GALNT2: variants seen among roughly 807,000 people sequenced by gnomAD.
GALNT2 encodes UDP-GalNAc:polypeptide N-acetylgalactosaminyltransferase 2.
A neutral mutation model predicts 81.4 loss-of-function variants in GALNT2; 31 were observed. The observed-to-expected ratio is 0.38, with a 90% CI of 0.29 to 0.51. GALNT2 has a LOEUF of 0.51. GALNT2 is among the 20% of genes least tolerant of loss of function. The pLI, the probability that GALNT2 is intolerant of heterozygous loss-of-function variation, is 0.87. For missense variants in GALNT2, 629 were observed against 765.7 expected (o/e 0.82, Z 2.11); for synonymous variants, 303 against 287.4 (o/e 1.05, Z -0.55).
rs532801402 is a variant in GALNT2 at position 230,243,734 on chromosome 1, T to G, written c.729+307T>G. Among the ~76,000 whole-genome samples the G allele has an allele frequency of 6.6e-6, 1 of 152,276 alleles. No homozygotes were observed. Among genetic ancestry groups the G allele is most frequent in the East Asian group, 1.9e-4 (1 of 5,146 alleles). On this transcript the variant is annotated intron_variant, in intron 7 of 15. Transcript: ENST00000366672. This position sits in a 1 kb window ranked among gnomAD's most constrained non-coding sequence, Gnocchi z 4.2. Reference sequence around the variant, plus strand: ...AGGCAGCCCTTTTCATGGGAGCAGTTTCCTTCCCCGCCTACAGCTTCGCAG... The same window carrying G: ...AGGCAGCCCTTTTCATGGGAGCAGTGTCCTTCCCCGCCTACAGCTTCGCAG...
At chr1:230,163,375 G>T (rs562071570) in intron 1 of GALNT2, among the ~76,000 whole-genome samples, 1 of 152,204 alleles carries the variant, frequency 6.6e-6, no homozygotes, top group East Asian at 1.9e-4. Context: ...TCCCAGTGCT[G>T]TTGCTCATCA....
chr1:230,180,914 A>G (rs897402944), intron 2 of GALNT2, among the ~76,000 whole-genome samples: 1 of 152,124 alleles, frequency 6.6e-6, no homozygotes, highest in Non-Finnish European at 1.5e-5. Context: ...CTCCTTTGTT[A>G]CTGGTATATA....
chr1:230,064,810 C>A (rs553225765), upstream of GALNT2, among the ~76,000 whole-genome samples: 1 of 152,228 alleles, frequency 6.6e-6, no homozygotes, highest in Non-Finnish European at 1.5e-5. Flanking sequence ...CTATGCCCAG[C>A]CTGCCTGGCA....
intron 1 of GALNT2, among the ~76,000 whole-genome samples, chr1:230,173,558 C>T (rs966049026): frequency 6.6e-6 from 1 of 152,220 alleles, no homozygotes; most frequent in African/African-American, 2.4e-5. Flanking sequence ...GCTTTGAATT[C>T]TCTGCAACTT....
At chr1:230,171,476 T>G (rs4846923) in intron 1 of GALNT2, among the ~76,000 whole-genome samples, 109,693 of 152,142 alleles carry the variant, frequency 0.72, 39,733 homozygotes, top group Admixed American at 0.79. Context: ...GACAACTGAT[T>G]AGAAGGGAAT....
chr1:230,236,418 A>G lies in GALNT2; in HGVS notation c.539A>G (p.Asp180Gly). 6.2e-7 allele frequency: 1 copy of G among 1,614,020 alleles called. No individual in the cohort carries two copies. Among genetic ancestry groups the G allele is most frequent in the Non-Finnish European group, 8.5e-7 (1 of 1,179,886 alleles). Residue 180 changes from aspartate (D) to glycine (G), a missense_variant and splice_region_variant, in exon 5 of 16, where the codon GAT becomes GGT. Coordinates refer to ENST00000366672, the MANE Select transcript of GALNT2 (RefSeq NM_004481.5). ...EIILVDDYSNDPEDGALLGKI... is the reference protein window; with the variant it reads ...EIILVDDYSNGPEDGALLGKI... ...ATCTTGGTGGATGACTACAGCAATG[A>G]TCGTGAGTACTGACACTGATTTTAT...
At position 230,231,521 on chromosome 1, in the gene GALNT2, C is replaced by T. The variant is rs529814744; in HGVS notation, c.375-4493C>T. On this transcript the variant is annotated intron_variant, in intron 3 of 15. Coordinates refer to ENST00000366672, the MANE Select transcript of GALNT2 (RefSeq NM_004481.5). ...AGCTGGAGCTTCCCAGTCCAAAGAG[C>T]TTGCGTTTGGTTATTTCATCAATGT... Among the ~76,000 whole-genome samples, 3 of 152,288 alleles carry T rather than the reference C, an allele frequency of 2.0e-5. No homozygotes were observed. The South Asian group carries it at 6.2e-4, about 32-fold the overall frequency.
chr1:230,127,060 G>T (rs184414603), intron 1 of GALNT2, among the ~76,000 whole-genome samples: 12 of 152,244 alleles, frequency 7.9e-5, no homozygotes, highest in African/African-American at 1.4e-4. Context: ...TTAATATTTT[G>T]CACTGCTTTT....
At chr1:230,201,328 C>G (rs1015549720) in intron 2 of GALNT2, among the ~76,000 whole-genome samples, 2 of 152,114 alleles carry the variant, frequency 1.3e-5, no homozygotes, top group Admixed American at 6.5e-5. Context: ...TGTGACACCC[C>G]CCAAGCATCA....
At chr1:230,251,598 C>T (rs1447329448) in intron 10 of GALNT2, among the ~76,000 whole-genome samples, 3 of 152,064 alleles carry the variant, frequency 2.0e-5, no homozygotes, top group Non-Finnish European at 4.4e-5. Context: ...GATACATTAA[C>T]CTCTAGGGAA....
At chr1:230,182,061 A>T (rs1399922431) in intron 2 of GALNT2, among the ~76,000 whole-genome samples, 3 of 152,174 alleles carry the variant, frequency 2.0e-5, no homozygotes, top group East Asian at 1.9e-4. Context: ...TCCTTTTCAT[A>T]TCCATGGGAT....
intron 14 of GALNT2, among the ~76,000 whole-genome samples, chr1:230,272,797 C>G (rs1666189581): frequency 6.6e-6 from 1 of 152,130 alleles, no homozygotes; most frequent in African/African-American, 2.4e-5. Context: ...GAGACAGGGT[C>G]TCGGTCTGTC....
At chr1:230,220,584 T>TG (rs1398935830) in intron 3 of GALNT2, among the ~76,000 whole-genome samples, 1 of 152,036 alleles carries the variant, frequency 6.6e-6, no homozygotes, top group Non-Finnish European at 1.5e-5. Flanking sequence ...CACCACGTGC[T>TG]GGGTGGGCTG....
intron 12 of GALNT2, 25 bp from the exon 13 acceptor site, chr1:230,262,897 G>T: frequency 1.2e-6 from 2 of 1,601,330 alleles, no homozygotes; most frequent in Non-Finnish European, 1.7e-6. Flanking sequence ...AATTTATAAA[G>T]GAATCTTATT....
At chr1:230,111,411 AAC>A (rs1490448966) in intron 1 of GALNT2, among the ~76,000 whole-genome samples, 1 of 152,224 alleles carries the variant, frequency 6.6e-6, no homozygotes, top group Non-Finnish European at 1.5e-5. Context: ...TACATGTACA[AAC>A]ACACATGTGT....
chr1:230,240,782 G>C (rs1234893416), intron 6 of GALNT2, among the ~76,000 whole-genome samples: 1 of 151,996 alleles, frequency 6.6e-6, no homozygotes, highest in Non-Finnish European at 1.5e-5. Context: ...CACCAAGTTT[G>C]GGAAATGACT....
upstream of GALNT2, among the ~76,000 whole-genome samples, chr1:230,065,429 G>A (rs1032990997): frequency 6.6e-6 from 1 of 152,074 alleles, no homozygotes; most frequent in Non-Finnish European, 1.5e-5. Context: ...CTAGATATGT[G>A]TGTGTGTGTG....
At chr1:230,169,526 T>C (rs1662725319) in intron 1 of GALNT2, among the ~76,000 whole-genome samples, 1 of 152,196 alleles carries the variant, frequency 6.6e-6, no homozygotes, top group Admixed American at 6.5e-5. Context: ...GCTATAGGGA[T>C]TTAAATAGGA....
intron 2 of GALNT2, 105 bp downstream of exon 2, chr1:230,178,416 T>C (rs1367992142): frequency 6.2e-6 from 5 of 802,000 alleles, no homozygotes; most frequent in East Asian, 5.3e-5. Flanking sequence ...CTGGATTCCA[T>C]AGGTCAGCAG....
Sources: allele counts gnomAD v4.1 joint callset (sites outside exome capture counted in the v4.1 genomes callset), GRCh38; gene constraint gnomAD v4.1.1; non-coding constraint Gnocchi (gnomAD v3.1); transcripts MANE v1.5; gene names NCBI Gene and HGNC (gene_info 2026-07-23, HGNC 2026-07-21).